Variants in DAB1 observed in about 807,000 individuals in gnomAD.
DAB1 encodes the protein DAB adaptor protein 1, also known as disabled homolog 1.
A neutral mutation model predicts 64.6 loss-of-function variants in DAB1; 15 were observed. The observed-to-expected ratio is 0.23, with a 90% CI of 0.16 to 0.36. The LOEUF (loss-of-function observed/expected upper bound fraction) is 0.36, where lower values mean the gene tolerates loss of function less well. Ranked by LOEUF, DAB1 falls within the 10% of genes least tolerant of loss-of-function variation. The pLI is 1.00. For synonymous variants in DAB1, 235 were observed against 251.9 expected, an observed-to-expected ratio of 0.93 and a Z score of 0.64; for missense variants, 596 against 706.7, an observed-to-expected ratio of 0.84 and a Z score of 1.78.
chr1:57,383,977 A>G (rs1423829613), intron 1 of DAB1, among the ~76,000 whole-genome samples: 1 of 151,662 alleles, frequency 6.6e-6, no homozygotes, highest in Non-Finnish European at 1.5e-5. Context: ...GTGGTAAGAA[A>G]AAATATTTGC....
At chr1:57,057,467 C>T (rs917624816) in intron 9 of DAB1, among the ~76,000 whole-genome samples, 3 of 152,144 alleles carry the variant, frequency 2.0e-5, no homozygotes, top group Admixed American at 2.0e-4. Context: ...AGGGATGTAA[C>T]TGATACACTC....
At chr1:58,536,854 T>C (rs1646525380) in intron 1 of DAB1, 3 of 662,068 alleles carry the variant, frequency 4.5e-6, no homozygotes, top group South Asian at 1.9e-5. Context: ...TTGTATGATG[T>C]ATTTCGCTGA....
chr1:58,175,627 A>C (rs1359749745), intron 4 of DAB1, among the ~76,000 whole-genome samples: 1 of 152,196 alleles, frequency 6.6e-6, no homozygotes, highest in Non-Finnish European at 1.5e-5. Flanking sequence ...TAAAATATCT[A>C]TTCAAAACTT....
intron 5 of DAB1, 89 bp from the exon 6 acceptor site, chr1:57,071,730 C>G: frequency 7.9e-7 from 1 of 1,268,022 alleles, no homozygotes; most frequent in South Asian, 1.4e-5. Context: ...AACCCGCAGC[C>G]CTTCCTTTTT....
chr1:57,366,220 G>A (rs1251390971), intron 1 of DAB1, among the ~76,000 whole-genome samples: 1 of 152,118 alleles, frequency 6.6e-6, no homozygotes, highest in Non-Finnish European at 1.5e-5. Context: ...TAGTGCTATT[G>A]TCTTTCCTGT....
In DAB1 at chr1:57,137,484, C is replaced by G. The variant is rs78959316; in HGVS notation, c.208-843G>C. Among the ~76,000 whole-genome samples, 8 of 152,224 alleles carry G rather than the reference C, an allele frequency of 5.3e-5. No individual in the cohort carries two copies. The South Asian group carries it at 1.7e-3, about 32-fold the overall frequency. On this transcript the variant is annotated intron_variant, in intron 3 of 14. Coordinates refer to ENST00000371236, the MANE Select transcript of DAB1 (RefSeq NM_001365792.1). ...TTCAAGTTAAGAGTAAAGACACTTG[C>G]TTTCGAAATTAGATTCTGTGTTGGC...
chr1:57,940,353 A>T (rs1055164477), intron 5 of DAB1, among the ~76,000 whole-genome samples: 1 of 152,214 alleles, frequency 6.6e-6, no homozygotes, highest in Non-Finnish European at 1.5e-5. Context: ...GATGCATTCG[A>T]TTTGTGAGCA....
At chr1:57,638,567 A>G (rs1405129538) in intron 7 of DAB1, among the ~76,000 whole-genome samples, 4 of 152,186 alleles carry the variant, frequency 2.6e-5, no homozygotes, top group African/African-American at 9.7e-5. Context: ...AATAATCTGT[A>G]TTGCTGAAGA....
At chr1:57,785,351 T>C (rs1439536349) in intron 6 of DAB1, among the ~76,000 whole-genome samples, 1 of 152,168 alleles carries the variant, frequency 6.6e-6, no homozygotes, top group Non-Finnish European at 1.5e-5. Flanking sequence ...GACTTTCAAA[T>C]ATTTAAGAAA....
At chr1:57,124,700 G>T (rs1192532003) in intron 4 of DAB1, among the ~76,000 whole-genome samples, 1 of 152,062 alleles carries the variant, frequency 6.6e-6, no homozygotes, top group Non-Finnish European at 1.5e-5. Flanking sequence ...ATCTAGTCTG[G>T]CAGGTAAATC....
chr1:57,866,191 A>T (rs1654293504), intron 1 of DAB1: 1 of 152,212 alleles, frequency 6.6e-6, no homozygotes, highest in African/African-American at 2.4e-5. Flanking sequence ...TAACGTATAC[A>T]AAATAATTAG....
At chr1:57,602,962 T>C (rs2101587707) in intron 7 of DAB1, among the ~76,000 whole-genome samples, 1 of 152,130 alleles carries the variant, frequency 6.6e-6, no homozygotes. Context: ...ACAAACTACA[T>C]GTGAATAAAT....
chr1:58,275,631 T>C (rs1661425487), intron 4 of DAB1, among the ~76,000 whole-genome samples: 1 of 152,194 alleles, frequency 6.6e-6, no homozygotes, highest in African/African-American at 2.4e-5. Context: ...CTTATACTCA[T>C]TTTAATGGCT....
rs546884041 is a variant in DAB1 at position 57,624,494 on chromosome 1, G to A, written n.625+25098C>T. On this transcript the variant is annotated intron_variant and non_coding_transcript_variant, in intron 7 of 20. Coordinates refer to the DAB1 transcript ENST00000485760. ...CTCCGTGGATCATAGTTGCTAAGACGGTTATACCCAACTTGAAATGAGAAC... is the reference window on the plus strand; with the variant it reads ...CTCCGTGGATCATAGTTGCTAAGACAGTTATACCCAACTTGAAATGAGAAC... Among the ~76,000 whole-genome samples, 11 of 152,246 alleles carry A rather than the reference G, an allele frequency of 7.2e-5. No homozygotes were observed. In the East Asian group the frequency reaches 7.7e-4, roughly 11 times the overall value.
At chr1:57,574,821 G>A (rs1347639838) in intron 7 of DAB1, among the ~76,000 whole-genome samples, 7 of 152,210 alleles carry the variant, frequency 4.6e-5, no homozygotes, top group Admixed American at 3.9e-4. Flanking sequence ...GAATCCACAG[G>A]TGGCAGGGAT....
intron 4 of DAB1, among the ~76,000 whole-genome samples, chr1:58,206,039 T>A (rs1398192149): frequency 6.6e-6 from 1 of 152,150 alleles, no homozygotes; most frequent in African/African-American, 2.4e-5. Flanking sequence ...CTGAGACAGG[T>A]CTCAGTCAAT....
chr1:57,456,124 T>C (rs1342387277), intron 7 of DAB1, among the ~76,000 whole-genome samples: 2 of 152,176 alleles, frequency 1.3e-5, no homozygotes, highest in Non-Finnish European at 2.9e-5. Context: ...TCACTAGGTC[T>C]GTTTCCTAGG....
At chr1:58,170,577 CA>C (rs1157008607) in intron 4 of DAB1, among the ~76,000 whole-genome samples, 4 of 152,152 alleles carry the variant, frequency 2.6e-5, no homozygotes, top group African/African-American at 7.2e-5. Flanking sequence ...AGAAAGACCC[CA>C]GCCTTTGTCA....
chr1:57,686,257 T>C (rs1461235574), intron 6 of DAB1, among the ~76,000 whole-genome samples: 1 of 152,124 alleles, frequency 6.6e-6, no homozygotes, highest in Non-Finnish European at 1.5e-5. Context: ...CGCTCAGAGA[T>C]TATTTTGAAC....
Sources: gnomAD v4.1 joint callset for allele counts (sites outside exome capture counted in the v4.1 genomes callset) on GRCh38, gnomAD v4.1.1 for gene constraint, MANE v1.5 for transcripts, NCBI Gene and HGNC (gene_info 2026-07-23, HGNC 2026-07-21) for gene names.